Variants in WDFY4 observed in about 807,000 individuals in gnomAD.
WDFY4 encodes the protein WDFY family member 4.
In WDFY4, 169 loss-of-function variants were observed where a neutral mutation model predicts 351.9. That is an observed-to-expected ratio of 0.48 (90% confidence interval 0.42 to 0.55). WDFY4 has a LOEUF of 0.55. Among genes scored for constraint, WDFY4 ranks in the 20% least tolerant of loss-of-function variants. The pLI is 0.00. For missense variants in WDFY4, 3,803 were observed against 3,935.6 expected (o/e 0.97, Z 0.90); for synonymous variants, 1,622 against 1,574.6 (o/e 1.03, Z -0.71).
chr10:48,806,763 G>A (rs1348542571), intron 27 of WDFY4, among the ~76,000 whole-genome samples: 1 of 152,210 alleles, frequency 6.6e-6, no homozygotes, highest in Non-Finnish European at 1.5e-5. Flanking sequence ...GCTCTGCACT[G>A]TCCAAGACGA....
intron 28 of WDFY4, among the ~76,000 whole-genome samples, chr10:48,809,199 C>CCATCACCACCACCAT (rs1418898583): frequency 5.1e-4 from 76 of 149,288 alleles, no homozygotes; most frequent in Non-Finnish European, 7.0e-4. Flanking sequence ...ATCACCATCA[C>CCATCACCACCACCAT]CATCACCACC....
rs767403918 is a variant in WDFY4 at position 48,788,519 on chromosome 10, T to C, written c.3809-11T>C. The C allele has an allele frequency of 1.0e-5, 16 of 1,550,674 alleles. No individual in the cohort carries two copies. Among genetic ancestry groups the C allele is most frequent in the Non-Finnish European group, 1.3e-5 (15 of 1,146,372 alleles). On this transcript the variant is annotated splice_polypyrimidine_tract_variant and intron_variant, in intron 20 of 61. Transcript: ENST00000325239. ...GTTAGACTAGAAATGTTTAAAGATG[T>C]GTTGTTACAGGGGAGGACCTGGACA...
chr10:48,731,782 C>T (rs2064468602), intron 9 of WDFY4, among the ~76,000 whole-genome samples: 1 of 152,230 alleles, frequency 6.6e-6, no homozygotes, highest in East Asian at 1.9e-4. Context: ...TAACTCAGGC[C>T]TTGTGAATTC....
intron 13 of WDFY4, 63 bp from the exon 14 acceptor site, chr10:48,774,395 A>G (rs1202917115): frequency 6.5e-7 from 1 of 1,527,856 alleles, no homozygotes; most frequent in Non-Finnish European, 8.9e-7. Flanking sequence ...GTTGGAGCCT[A>G]TAAAAGCTGT....
chr10:48,857,810 T>A (rs1564422733), intron 39 of WDFY4, among the ~76,000 whole-genome samples: 2 of 152,162 alleles, frequency 1.3e-5, no homozygotes, highest in Non-Finnish European at 2.9e-5. Flanking sequence ...TTTTCTTTTT[T>A]TGATGGAGTT....
intron 39 of WDFY4, among the ~76,000 whole-genome samples, chr10:48,835,920 G>A (rs1294206292): frequency 6.6e-6 from 1 of 152,192 alleles, no homozygotes; most frequent in East Asian, 1.9e-4. Flanking sequence ...CTAAGTCTTG[G>A]ATGGGCACAG....
At chr10:48,834,866 C>G (rs572098959) in intron 39 of WDFY4, among the ~76,000 whole-genome samples, 1 of 152,204 alleles carries the variant, frequency 6.6e-6, no homozygotes, top group South Asian at 2.1e-4. Flanking sequence ...TGGGGACATG[C>G]ATTGAGCAAC....
chr10:48,896,317 T>A (rs1245184198), intron 44 of WDFY4, among the ~76,000 whole-genome samples: 1 of 152,162 alleles, frequency 6.6e-6, no homozygotes, highest in Non-Finnish European at 1.5e-5. Flanking sequence ...ACCTGGGATG[T>A]GGTTTGACCT....
At chr10:48,756,720 T>C (rs927347868) in intron 12 of WDFY4, among the ~76,000 whole-genome samples, 6 of 152,142 alleles carry the variant, frequency 3.9e-5, no homozygotes, top group African/African-American at 1.2e-4. Context: ...GATATTATCA[T>C]GTGATTTTAT....
chr10:48,977,210 A>G, intron 59 of WDFY4: 1 of 341,630 alleles, frequency 2.9e-6, no homozygotes, highest in Non-Finnish European at 5.2e-6. Flanking sequence ...ACACACACAG[A>G]CACACACTAA....
intron 45 of WDFY4, among the ~76,000 whole-genome samples, chr10:48,899,959 G>A (rs950651740): frequency 3.3e-5 from 5 of 152,114 alleles, no homozygotes; most frequent in South Asian, 2.1e-4. Flanking sequence ...TCTGCTTCAC[G>A]CTTGCCCTGG....
intron 35 of WDFY4, among the ~76,000 whole-genome samples, chr10:48,825,749 A>ACAT (rs2067971599): frequency 6.6e-6 from 1 of 151,958 alleles, no homozygotes; most frequent in Admixed American, 6.5e-5. Context: ...GGCCACCTGA[A>ACAT]TGTCTTCTTT....
chr10:48,848,612 AG>A (rs1019848758), intron 39 of WDFY4, among the ~76,000 whole-genome samples: 21 of 152,224 alleles, frequency 1.4e-4, no homozygotes, highest in African/African-American at 4.8e-4. Flanking sequence ...CCAGTGAGTG[AG>A]GAAGGTCTGT....
chr10:48,902,912 C>G (rs1159162290), intron 47 of WDFY4, among the ~76,000 whole-genome samples: 1 of 152,072 alleles, frequency 6.6e-6, no homozygotes, highest in African/African-American at 2.4e-5. Flanking sequence ...GAGTTCAAGA[C>G]CAGCCTGGCC....
chr10:48,734,131 G>A (rs1279526466), intron 10 of WDFY4, 96 bp downstream of exon 10: 6 of 1,076,192 alleles, frequency 5.6e-6, no homozygotes, highest in East Asian at 2.6e-5. Flanking sequence ...TACTCAAGGA[G>A]TAACCAATAC....
intron 47 of WDFY4, among the ~76,000 whole-genome samples, chr10:48,922,726 C>T (rs996326682): frequency 1.3e-5 from 2 of 152,130 alleles, no homozygotes; most frequent in Non-Finnish European, 2.9e-5. Context: ...ACAAAGTCTA[C>T]GGATACATGC....
intron 24 of WDFY4, chr10:48,802,727 T>C (rs1209411244): frequency 2.1e-5 from 10 of 471,208 alleles, no homozygotes; most frequent in Admixed American, 4.7e-5. Flanking sequence ...CTTACAATTT[T>C]GTCATGCATG....
At chr10:48,781,170 C>T (rs1447037673) in intron 19 of WDFY4, among the ~76,000 whole-genome samples, 1 of 151,720 alleles carries the variant, frequency 6.6e-6, no homozygotes, top group Non-Finnish European at 1.5e-5. Flanking sequence ...GAATTTGATA[C>T]CATCTGCTGG....
At chr10:48,901,013 T>C (rs1396187238) in intron 46 of WDFY4, among the ~76,000 whole-genome samples, 1 of 152,114 alleles carries the variant, frequency 6.6e-6, no homozygotes, top group Non-Finnish European at 1.5e-5. Flanking sequence ...GAGGTGAGAT[T>C]TGATATCCCC....
Sources: gnomAD v4.1 joint callset for allele counts (sites outside exome capture counted in the v4.1 genomes callset) on GRCh38, gnomAD v4.1.1 for gene constraint, MANE v1.5 for transcripts, NCBI Gene and HGNC (gene_info 2026-07-23, HGNC 2026-07-21) for gene names.